Variants in PAK1 observed in about 807,000 individuals in gnomAD.
PAK1 encodes p21 (RAC1) activated kinase 1, also known as serine/threonine-protein kinase PAK 1.
In PAK1, 29 loss-of-function variants were observed where a neutral mutation model predicts 67.4. That is an observed-to-expected ratio of 0.43 (90% CI 0.32 to 0.59). The LOEUF is 0.59. PAK1 is among the 20% of genes least tolerant of loss of function. PAK1 has a pLI of 0.07. For missense variants in PAK1, 337 were observed against 670.7 expected (o/e 0.50, Z 5.50); for synonymous variants, 223 against 237.4 (o/e 0.94, Z 0.56).
At chr11:77,471,860 A>G (rs1957872138) in intron 1 of PAK1, among the ~76,000 whole-genome samples, 1 of 152,180 alleles carries the variant, frequency 6.6e-6, no homozygotes, top group Admixed American at 6.5e-5. Flanking sequence ...ATTGAATTGA[A>G]CTGAACAAGC....
intron 5 of PAK1, among the ~76,000 whole-genome samples, chr11:77,363,274 G>A (rs1383233045): frequency 6.6e-6 from 1 of 152,108 alleles, no homozygotes; most frequent in African/African-American, 2.4e-5. Context: ...ACTGAAATGT[G>A]ACAACCCAAC....
chr11:77,435,900 A>T (rs1213273737), intron 1 of PAK1, among the ~76,000 whole-genome samples: 2 of 152,186 alleles, frequency 1.3e-5, no homozygotes, highest in Non-Finnish European at 2.9e-5. Flanking sequence ...AACTAATTTA[A>T]GTAGATTTGT....
the PAK1 span, among the ~76,000 whole-genome samples, chr11:77,520,010 C>G: frequency 2.0e-5 from 3 of 151,802 alleles, no homozygotes; most frequent in Non-Finnish European, 2.9e-5. Context: ...TGGCCCCCCC[C>G]TCCGCCCGTG....
rs116596437 is a variant in PAK1, at chr11:77,427,879, C to G, written c.-21-35338G>C. Among the ~76,000 whole-genome samples, 602 of 152,302 alleles carry G rather than the reference C, an allele frequency of 4.0e-3. 7 individuals are homozygous for G. Among genetic ancestry groups the G allele is most frequent in the African/African-American group, 0.013 (532 of 41,574 alleles). On this transcript the variant is annotated intron_variant, in intron 1 of 14. Transcript: ENST00000356341. ...AGGCTCTGACATCCATAGCAGACAT[C>G]TGAACTAGGACTCTGAGGGATTTTA...
chr11:77,359,355 C>T (rs1489610368), intron 5 of PAK1, among the ~76,000 whole-genome samples: 1 of 152,152 alleles, frequency 6.6e-6, no homozygotes, highest in Non-Finnish European at 1.5e-5. Flanking sequence ...ATGAATTTTT[C>T]TCTCCACACT....
intron 2 of PAK1, among the ~76,000 whole-genome samples, chr11:77,387,200 G>A (rs1337703584): frequency 2.6e-5 from 4 of 151,410 alleles, no homozygotes; most frequent in South Asian, 2.1e-4. Flanking sequence ...AGCCTCCTGA[G>A]TAGTTGGGAT....
At chr11:77,327,283 ATG>A (rs1940201497) in intron 14 of PAK1, among the ~76,000 whole-genome samples, 2 of 152,200 alleles carry the variant, frequency 1.3e-5, no homozygotes, top group East Asian at 1.9e-4. Context: ...AATACAGAGA[ATG>A]CCACAAAGAT....
At position 77,374,495 on chromosome 11, in the gene PAK1, C is replaced by T. The variant is rs1948848379; in HGVS notation, c.440-130G>A. Reference sequence around the variant, plus strand: ...AATAGTAATAGTATGACTGGTACTACAGGCTAGATATCATGCTAAATGCAT... The same window carrying T: ...AATAGTAATAGTATGACTGGTACTATAGGCTAGATATCATGCTAAATGCAT... On this transcript the variant is annotated intron_variant, in intron 4 of 14. Transcript: ENST00000356341. 66 of 667,522 alleles carry T rather than the reference C, an allele frequency of 9.9e-5. 1 individual carries two copies. The South Asian group carries it at 1.2e-3, about 12-fold the overall frequency. 41.3% of individuals were successfully genotyped at this position (667,522 alleles called of 1,614,324 possible).
the PAK1 span, among the ~76,000 whole-genome samples, chr11:77,488,214 C>G: frequency 2.0e-5 from 3 of 152,366 alleles, no homozygotes; most frequent in East Asian, 5.8e-4. Context: ...CATAGTGTTA[C>G]TGGGCTTGGG....
intron 14 of PAK1, among the ~76,000 whole-genome samples, chr11:77,326,440 T>C (rs1055570396): frequency 2.0e-5 from 3 of 152,210 alleles, no homozygotes; most frequent in African/African-American, 7.2e-5. Flanking sequence ...ATGCCATGCC[T>C]GTAATTCCAG....
intron 1 of PAK1, among the ~76,000 whole-genome samples, chr11:77,450,333 C>T (rs1218030788): frequency 6.6e-6 from 1 of 152,068 alleles, no homozygotes; most frequent in African/African-American, 2.4e-5. Flanking sequence ...TGCATTAAAG[C>T]CACAAATACC....
At chr11:77,426,844 A>T (rs1955574190) in intron 1 of PAK1, among the ~76,000 whole-genome samples, 1 of 146,266 alleles carries the variant, frequency 6.8e-6, no homozygotes, top group South Asian at 2.1e-4. Context: ...CAATCTTTAA[A>T]AAAAAAAAAA....
At chr11:77,500,276 G>A in the PAK1 span, among the ~76,000 whole-genome samples, 4 of 152,006 alleles carry the variant, frequency 2.6e-5, no homozygotes, top group Non-Finnish European at 4.4e-5. Flanking sequence ...AGACCAGCCT[G>A]GTTAACATGG....
chr11:77,373,378 A>AT (rs1174749741), intron 5 of PAK1, among the ~76,000 whole-genome samples: 3 of 152,004 alleles, frequency 2.0e-5, no homozygotes, highest in African/African-American at 7.2e-5. Context: ...CTTTTAAAAA[A>AT]TTGTCTGTCT....
intron 13 of PAK1, among the ~76,000 whole-genome samples, chr11:77,335,477 A>G (rs900497198): frequency 1.3e-5 from 2 of 152,266 alleles, no homozygotes; most frequent in South Asian, 4.1e-4. Context: ...TCTTGTAGTC[A>G]TTGCTGATTC....
intron 1 of PAK1, among the ~76,000 whole-genome samples, chr11:77,447,297 C>T (rs1411259125): frequency 6.6e-6 from 1 of 152,196 alleles, no homozygotes; most frequent in Non-Finnish European, 1.5e-5. Flanking sequence ...GGATAAGAAT[C>T]CCATTATTCC....
intron 1 of PAK1, among the ~76,000 whole-genome samples, chr11:77,443,238 C>T (rs1956438988): frequency 6.6e-6 from 1 of 151,390 alleles, no homozygotes; most frequent in African/African-American, 2.4e-5. Context: ...TCACTTGAAC[C>T]CAGGAGGCAG....
rs1388563642 is a variant in PAK1 at position 77,322,776 on chromosome 11, C to G, written c.*498G>C. ...CCAGGAAGCTGAGCCTCTTCATGTC[C>G]CTGGCAGATTATCAAACCCCATGGC... On this transcript the variant is annotated 3_prime_UTR_variant, in exon 15 of 15. Transcript: ENST00000356341. 8.7e-6 allele frequency: 3 copies of G among 343,984 alleles called. No individual in the cohort carries two copies. Among genetic ancestry groups the G allele is most frequent in the African/African-American group, 4.2e-5 (2 of 48,034 alleles). The allele number at this position is 343,984 out of a possible 1,614,324, so 21.3% of individuals were successfully genotyped here. A position where few individuals can be genotyped will look rare whatever the true frequency, so the allele number is the denominator to read the frequency against.
the PAK1 span, among the ~76,000 whole-genome samples, chr11:77,480,406 G>A: frequency 1.3e-5 from 2 of 149,634 alleles, no homozygotes; most frequent in South Asian, 2.1e-4. Context: ...TAAATTTTCT[G>A]TATTTTATTA....
Sources: allele counts gnomAD v4.1 joint callset (sites outside exome capture counted in the v4.1 genomes callset), GRCh38; gene constraint gnomAD v4.1.1; transcripts MANE v1.5; gene names NCBI Gene and HGNC (gene_info 2026-07-23, HGNC 2026-07-21).